TSNAX: variants seen among roughly 807,000 people sequenced by gnomAD.
TSNAX encodes translin-associated protein X.
In TSNAX, 12 loss-of-function variants were observed where a neutral mutation model predicts 33.0. That is an observed-to-expected ratio of 0.36 (90% CI 0.23 to 0.59). TSNAX has a LOEUF of 0.59. Ranked by LOEUF, TSNAX falls within the 20% of genes least tolerant of loss-of-function variation. The probability of loss-of-function intolerance (pLI) is 0.74; values close to 1 mark genes in which losing one functional copy is unlikely to be tolerated. For missense variants in TSNAX, 267 were observed against 341.3 expected, an observed-to-expected ratio of 0.78 and a Z score of 1.72; for synonymous variants, 110 against 117.2, an observed-to-expected ratio of 0.94 and a Z score of 0.40.
rs201291945 is a variant in TSNAX, at chr1:231,528,688, C to G, written c.-123C>G. The G allele has an allele frequency of 1.7e-5, 19 of 1,123,836 alleles. No individual in the cohort carries two copies. Among genetic ancestry groups the G allele is most frequent in the Middle Eastern group, 2.8e-4 (1 of 3,516 alleles). The allele number at this position is 1,123,836 out of a possible 1,614,324, so 69.6% of individuals were successfully genotyped here. On this transcript the variant is annotated 5_prime_UTR_variant, in exon 1 of 6. Coordinates refer to ENST00000366639, the MANE Select transcript of TSNAX (RefSeq NM_005999.3). Reference sequence around the variant, plus strand: ...AGACTTCCGGCCACTGCGTTGTAGTCGGCCCGGCTGCAAAGCGTTTTTCTG... The same window carrying G: ...AGACTTCCGGCCACTGCGTTGTAGTGGGCCCGGCTGCAAAGCGTTTTTCTG...
intron 4 of TSNAX, 74 bp from the exon 5 acceptor site, chr1:231,561,054 A>C: frequency 6.8e-7 from 1 of 1,461,074 alleles, no homozygotes; most frequent in South Asian, 1.2e-5. Context: ...GATGATCAAT[A>C]TGAAGTTTTT....
chr1:231,533,191 C>G (rs1643017222), intron 2 of TSNAX, among the ~76,000 whole-genome samples: 1 of 152,022 alleles, frequency 6.6e-6, no homozygotes, highest in Non-Finnish European at 1.5e-5. Flanking sequence ...CTCCGCCTCC[C>G]AGGTTCAAGC....
Position 231,562,162 on chromosome 1 carries a change from G to T in TSNAX, c.495+907G>T, listed in dbSNP as rs2124948226. 2.0e-5 allele frequency among the ~76,000 whole-genome samples: 3 copies of T among 147,342 alleles called. No individual in the cohort carries two copies. The South Asian group carries it at 6.4e-4, about 31-fold the overall frequency. ...AATAATTTATATTATTTAAATAATT[G>T]TTTAAATATTAAATTATTAAATTAT... On this transcript the variant is annotated intron_variant, in intron 5 of 5. Coordinates refer to ENST00000366639, the MANE Select transcript of TSNAX (RefSeq NM_005999.3).
chr1:231,558,789 A>G (rs994196781), intron 4 of TSNAX, among the ~76,000 whole-genome samples: 2 of 152,178 alleles, frequency 1.3e-5, no homozygotes, highest in Non-Finnish European at 2.9e-5. Flanking sequence ...ATTTTTAATT[A>G]TAAATATAAA....
chr1:231,531,019 C>T (rs566226627), intron 2 of TSNAX, among the ~76,000 whole-genome samples: 4 of 150,874 alleles, frequency 2.7e-5, no homozygotes, highest in Non-Finnish European at 4.4e-5. Context: ...TAATTAGGCA[C>T]GATCTTGGCT....
At chr1:231,553,296 T>C (rs1660456385) in intron 4 of TSNAX, among the ~76,000 whole-genome samples, 1 of 152,224 alleles carries the variant, frequency 6.6e-6, no homozygotes, top group African/African-American at 2.4e-5. Flanking sequence ...TAAAGGAATA[T>C]GTAAAAATAA....
chr1:231,555,927 A>G (rs999288240), intron 4 of TSNAX, among the ~76,000 whole-genome samples: 5 of 152,210 alleles, frequency 3.3e-5, no homozygotes, highest in Admixed American at 6.5e-5. Context: ...GAGGAACCAA[A>G]GAGCCTTGGA....
intron 4 of TSNAX, among the ~76,000 whole-genome samples, chr1:231,559,136 A>G (rs994539231): frequency 6.6e-6 from 1 of 152,076 alleles, no homozygotes; most frequent in Non-Finnish European, 1.5e-5. Context: ...GAGAACTTAA[A>G]TATCCTCTTA....
rs150826166 is a variant in TSNAX, at chr1:231,542,578, G to T, written c.334G>T (p.Asp112Tyr). Residue 112 changes from aspartate (D) to tyrosine (Y), a missense_variant, in exon 4 of 6, where the codon GAT becomes TAT. By Grantham distance (160) the Asp-to-Tyr change is radical. Around this residue, in one of 2 missense-constraint regions of TSNAX, gnomAD observed 200 missense variants for 214.1 expected, o/e 0.93. Transcript: ENST00000366639. ...FQVAQELSGEDMHQFHRAITT... is the reference protein window; with the variant it reads ...FQVAQELSGEYMHQFHRAITT... ...GGTAGCCCAAGAGCTATCAGGGGAA[G>T]ATATGCATCAGTTCCATCGAGCCAT... The T allele has an allele frequency of 6.2e-7, 1 of 1,614,056 alleles. No homozygotes were observed. Among genetic ancestry groups the T allele is most frequent in the Non-Finnish European group, 8.5e-7 (1 of 1,179,974 alleles).
intron 4 of TSNAX, among the ~76,000 whole-genome samples, chr1:231,547,430 G>T (rs368007934): frequency 8.0e-6 from 1 of 124,368 alleles, no homozygotes; most frequent in African/African-American, 3.2e-5. Context: ...TCACTCTGTC[G>T]CCCAGGCTGG....
At chr1:231,535,197 A>G (rs1233827080) in intron 2 of TSNAX, 1 of 152,180 alleles carries the variant, frequency 6.6e-6, no homozygotes, top group Non-Finnish European at 1.5e-5. Context: ...TTTTTCCCAT[A>G]GGTAATGTAA....
rs578129004 is a variant in TSNAX at position 231,534,517 on chromosome 1, G to A, written c.122-2696G>A. ...AAGCTGATGAGACAGATTCAACAGT[G>A]CTTTATAAAATTAACTTATATTACT... is the stretch of plus-strand genomic sequence containing the variant. On this transcript the variant is annotated intron_variant, in intron 2 of 5. Coordinates refer to ENST00000366639, the MANE Select transcript of TSNAX (RefSeq NM_005999.3). The A allele has an allele frequency of 1.3e-4, 20 of 152,200 alleles. No homozygotes were observed. The South Asian group carries it at 3.9e-3, about 30-fold the overall frequency. 9.4% of individuals were successfully genotyped at this position (152,200 alleles called of 1,614,324 possible).
chr1:231,544,927 A>G (rs1204530681), intron 4 of TSNAX, among the ~76,000 whole-genome samples: 6 of 144,070 alleles, frequency 4.2e-5, no homozygotes, highest in African/African-American at 1.5e-4. Context: ...TTATAAGCAC[A>G]GTGGTCTCTT....
Position 231,528,708 on chromosome 1 carries a change from T to C in TSNAX, c.-103T>C. 1.4e-6 allele frequency: 2 copies of C among 1,426,584 alleles called. No homozygotes were observed. Among genetic ancestry groups the C allele is most frequent in the Non-Finnish European group, 9.8e-7 (1 of 1,017,468 alleles). The allele number at this position is 1,426,584 out of a possible 1,614,324, so 88.4% of individuals were successfully genotyped here. On this transcript the variant is annotated 5_prime_UTR_variant, in exon 1 of 6. Coordinates refer to ENST00000366639, the MANE Select transcript of TSNAX (RefSeq NM_005999.3). Reference sequence around the variant, plus strand: ...GTAGTCGGCCCGGCTGCAAAGCGTTTTTCTGCAGGCTGTTTTCCCAGGTTC... The same window carrying C: ...GTAGTCGGCCCGGCTGCAAAGCGTTCTTCTGCAGGCTGTTTTCCCAGGTTC...
chr1:231,564,248 T>C (rs1661291302), intron 5 of TSNAX, among the ~76,000 whole-genome samples: 1 of 152,216 alleles, frequency 6.6e-6, no homozygotes, highest in South Asian at 2.1e-4. Context: ...GTACATCAAG[T>C]GGAGTTGGAA....
In TSNAX at chr1:231,529,591, CATTA is replaced by C. The variant is rs527934775; in HGVS notation, c.121+239_121+242del. Among the ~76,000 whole-genome samples the C allele has an allele frequency of 1.5e-3, 228 of 152,224 alleles. 1 individual carries two copies. Among genetic ancestry groups the C allele is most frequent in the Middle Eastern group, 6.8e-3 (2 of 294 alleles). ...TGACTTAAACACAAGAAACAGTAAA[CATTA>C]ATTAATATTTGACATGTCACATACT... On this transcript the variant is annotated intron_variant, in intron 2 of 5. Coordinates refer to ENST00000366639, the MANE Select transcript of TSNAX (RefSeq NM_005999.3).
intron 4 of TSNAX, among the ~76,000 whole-genome samples, chr1:231,549,173 T>C (rs938839634): frequency 6.6e-6 from 1 of 152,146 alleles, no homozygotes; most frequent in Non-Finnish European, 1.5e-5. Flanking sequence ...AGAATGACTC[T>C]GATGGCTCAC....
At chr1:231,563,415 T>G (rs145589040) in intron 5 of TSNAX, 1 of 154,064 alleles carries the variant, frequency 6.5e-6, no homozygotes, top group Admixed American at 6.5e-5. Flanking sequence ...TGTTCTCATT[T>G]AACCCTTAAA....
chr1:231,541,145 G>A (rs1343582518), intron 3 of TSNAX, among the ~76,000 whole-genome samples: 2 of 151,920 alleles, frequency 1.3e-5, no homozygotes, highest in South Asian at 4.1e-4. Context: ...TCTCCTTCCT[G>A]CCTTATTTTG....
Sources: allele counts gnomAD v4.1 joint callset (sites outside exome capture counted in the v4.1 genomes callset), GRCh38; gene constraint gnomAD v4.1.1; regional missense constraint gnomAD v4.1.1; transcripts MANE v1.5; gene names NCBI Gene and HGNC (gene_info 2026-07-23, HGNC 2026-07-21).